Variants in RNF213 observed in about 807,000 individuals in gnomAD.
RNF213 encodes the protein E3 ubiquitin-protein ligase RNF213.
Under a neutral mutation model 514.4 loss-of-function variants are expected in RNF213, and 341 were observed. That is an observed-to-expected ratio of 0.66 (90% CI 0.61 to 0.73). RNF213 has a LOEUF of 0.73. Among genes scored for constraint, RNF213 ranks in the 30% least tolerant of loss-of-function variants. The pLI is 0.00. For synonymous variants in RNF213, 2,655 were observed against 2,658.2 expected, an observed-to-expected ratio of 1.00 and a Z score of 0.04; for missense variants, 5,767 against 6,615.6, an observed-to-expected ratio of 0.87 and a Z score of 4.45.
chr17:80,276,592 G>A (rs1036997577), intron 3 of RNF213, among the ~76,000 whole-genome samples: 1 of 150,054 alleles, frequency 6.7e-6, no homozygotes, highest in East Asian at 2.0e-4. Context: ...CTGGGTGACT[G>A]TGAGATCCTT....
At chr17:80,384,164 T>A (rs890401990) in intron 59 of RNF213, among the ~76,000 whole-genome samples, 1 of 152,310 alleles carries the variant, frequency 6.6e-6, no homozygotes, top group East Asian at 1.9e-4. Flanking sequence ...GGATTAGCAG[T>A]GACCTGTGGG....
At chr17:80,277,239 G>A (rs929031357) in intron 3 of RNF213, among the ~76,000 whole-genome samples, 2 of 152,062 alleles carry the variant, frequency 1.3e-5, no homozygotes, top group African/African-American at 4.8e-5. Context: ...ACAGATTAGT[G>A]GTTGGCTGGG....
chr17:80,398,703 G>C lies in RNF213; in HGVS notation c.*5205G>C, dbSNP rs1398559238. Reference sequence around the variant, plus strand: ...AGAGAAAGAGGAAGAGACAGACAAAGAGGGAGTCAGAGAGAGAGAGAGAAA... The same window carrying C: ...AGAGAAAGAGGAAGAGACAGACAAACAGGGAGTCAGAGAGAGAGAGAGAAA... On this transcript the variant is annotated 3_prime_UTR_variant, in exon 68 of 68. Coordinates refer to ENST00000582970, the MANE Select transcript of RNF213 (RefSeq NM_001256071.3). 2 of 139,714 alleles carry C rather than the reference G, an allele frequency of 1.4e-5. No individual in the cohort carries two copies. The highest frequency in any genetic ancestry group is 2.2e-4 in the South Asian group (1 of 4,474). 8.7% of individuals were successfully genotyped at this position (139,714 alleles called of 1,614,324 possible).
chr17:80,376,779 G>C, intron 52 of RNF213, 103 bp from the exon 53 acceptor site: 2 of 1,175,616 alleles, frequency 1.7e-6, no homozygotes, highest in Non-Finnish European at 2.5e-6. Flanking sequence ...TCCAGCAGAA[G>C]GAAAGCAGAG....
intron 44 of RNF213, among the ~76,000 whole-genome samples, chr17:80,368,433 G>GT (rs5822349): frequency 0.59 from 80,454 of 137,024 alleles, 23,665 homozygotes; most frequent in Middle Eastern, 0.64. Flanking sequence ...AGACGCCAGT[G>GT]TTTTTTTTTT....
At chr17:80,342,516 C>G (rs1429507336) in intron 26 of RNF213, among the ~76,000 whole-genome samples, 1 of 150,372 alleles carries the variant, frequency 6.7e-6, no homozygotes, top group Admixed American at 6.7e-5. Context: ...ACTCTTTGTC[C>G]TAGCCCTGGG....
rs146853953 is a variant in RNF213 at position 80,388,419 on chromosome 17, C to T, written c.14923-193C>T. 59 of 613,932 alleles carry T rather than the reference C, an allele frequency of 9.6e-5. No individual in the cohort carries two copies. In the East Asian group the frequency reaches 1.3e-3, roughly 14 times the overall value. The allele number at this position is 613,932 out of a possible 1,614,324, so 38.0% of individuals were successfully genotyped here. On this transcript the variant is annotated intron_variant, in intron 63 of 67. Coordinates refer to ENST00000582970, the MANE Select transcript of RNF213 (RefSeq NM_001256071.3). Reference sequence around the variant, plus strand: ...GTCATGTAATTGGCTGTGAGGACTCCGCTGGATTCCCGGTTGTGTTACTAT... The same window carrying T: ...GTCATGTAATTGGCTGTGAGGACTCTGCTGGATTCCCGGTTGTGTTACTAT...
Position 80,364,539 on chromosome 17 carries a change from T to G in RNF213, c.11857T>G (p.Phe3953Val). ...ELQGLVTEHVFLLDKCLRENS... is the reference protein window; with the variant it reads ...ELQGLVTEHVVLLDKCLRENS... ...ACAGGGGCTGGTGACCGAGCACGTC[T>G]TCTTACTAGACAAGGTGAGTACTTG... Residue 3953 changes from phenylalanine (F) to valine (V), a missense_variant, in exon 42 of 68, where the codon TTC becomes GTC. Physicochemically the swap from Phe to Val is conservative, Grantham distance 50 (BLOSUM62 -1). Coordinates refer to ENST00000582970, the MANE Select transcript of RNF213 (RefSeq NM_001256071.3). 6.2e-7 allele frequency: 1 copy of G among 1,614,176 alleles called. No homozygotes were observed. The highest frequency in any genetic ancestry group is 8.5e-7 in the Non-Finnish European group (1 of 1,180,032).
At chr17:80,315,794 TG>T (rs2045913763) in intron 15 of RNF213, 2 of 39,630 alleles carry the variant, frequency 5.0e-5, no homozygotes, top group South Asian at 1.0e-3. Flanking sequence ...GTGGTGGTGG[TG>T]GTGGTGGAGG....
intron 3 of RNF213, among the ~76,000 whole-genome samples, chr17:80,284,241 G>C (rs181605402): frequency 6.6e-6 from 1 of 152,158 alleles, no homozygotes; most frequent in Non-Finnish European, 1.5e-5. Context: ...GCAGGTGCCT[G>C]TAATCCCAGC....
At position 80,389,904 on chromosome 17, in the gene RNF213, T is replaced by C. The variant is rs1197193102; in HGVS notation, c.15272T>C (p.Leu5091Pro). Reference sequence around the variant, plus strand: ...TCTGCTCATAAGTCTGAACAGCTGCTGCGGCTGCACAAAGTAAGTCTGGTC... The same window carrying C: ...TCTGCTCATAAGTCTGAACAGCTGCCGCGGCTGCACAAAGTAAGTCTGGTC... The part of the protein sequence containing the change: ...FLSAHKSEQL[L>P]RLHKEPFGEI... Residue 5091 changes from leucine to proline, a missense_variant, in exon 66 of 68, where the codon CTG (leucine) becomes CCG (proline). Physicochemically the swap from Leu to Pro is moderately conservative, Grantham distance 98. This residue lies in a region of RNF213 where 1,245 missense variants were observed against 1,339.0 expected (regional missense o/e 0.93). Coordinates refer to ENST00000582970, the MANE Select transcript of RNF213 (RefSeq NM_001256071.3). 1 of 1,614,094 alleles carries C rather than the reference T, an allele frequency of 6.2e-7. No individual in the cohort carries two copies. Among genetic ancestry groups the C allele is most frequent in the African/African-American group, 1.3e-5 (1 of 74,938 alleles).
Position 80,291,698 on chromosome 17 carries a change from A to G in RNF213, c.1342A>G (p.Ile448Val). The change falls in exon 8 of 68, where the codon ATT becomes GTT. Residue 448 changes from isoleucine to valine, a missense_variant. By Grantham distance (29) the Ile-to-Val change is conservative. Coordinates refer to ENST00000582970, the MANE Select transcript of RNF213 (RefSeq NM_001256071.3). ...TTCCAAGAAGCACCTAGATAAATAC[A>G]TTCCTTACAAGTACGTCATTTATAA... Reference protein sequence around the residue: ...CISKKHLDKYIPYKYVIYNGE... With the variant: ...CISKKHLDKYVPYKYVIYNGE... 1 of 1,614,228 alleles carries G rather than the reference A, an allele frequency of 6.2e-7. No individual in the cohort carries two copies. Among genetic ancestry groups the G allele is most frequent in the Non-Finnish European group, 8.5e-7 (1 of 1,180,048 alleles).
At chr17:80,337,124 G>A (rs1205805749) in intron 23 of RNF213, among the ~76,000 whole-genome samples, 1 of 152,158 alleles carries the variant, frequency 6.6e-6, no homozygotes. Context: ...ACCCTCTGTT[G>A]TGATTTTTCC....
chr17:80,298,986 C>G (rs2045072602), intron 11 of RNF213, among the ~76,000 whole-genome samples: 1 of 152,024 alleles, frequency 6.6e-6, no homozygotes, highest in African/African-American at 2.4e-5. Context: ...CTAAAACAAA[C>G]AAACAAAAAA....
chr17:80,298,364 A>G lies in RNF213; in HGVS notation c.2056A>G (p.Thr686Ala). ...GAACCTGTGCCAAAGATGCATGGAC[A>G]CAAGGACGTACACCTGGCTGGGCGC... is the stretch of plus-strand genomic sequence containing the variant. ...LVNLCQRCMD[T>A]RTYTWLGALP... is the part of the protein sequence containing the mutation. The change falls in exon 11 of 68, where the codon ACA becomes GCA. Residue 686 changes from threonine to alanine, a missense_variant. By Grantham distance (58) the Thr-to-Ala change is moderately conservative. Transcript: ENST00000582970. The G allele has an allele frequency of 6.2e-7, 1 of 1,614,126 alleles. No homozygotes were observed.
rs2078593368 is a variant in RNF213, at chr17:80,353,156, C to G, written c.10423+97C>G. 7.8e-6 allele frequency: 12 copies of G among 1,532,182 alleles called. No homozygotes were observed. The South Asian group carries it at 1.2e-4, about 16-fold the overall frequency. 94.9% of individuals were successfully genotyped at this position (1,532,182 alleles called of 1,614,324 possible). ...GCACATGGCACTAGGAGCAGGGCCA[C>G]CGTGTTTCGTCCCTCGGCAGGAGCT... On this transcript the variant is annotated intron_variant, in intron 33 of 67. Coordinates refer to ENST00000582970, the MANE Select transcript of RNF213 (RefSeq NM_001256071.3). This position sits in a 1 kb window ranked among gnomAD's most constrained non-coding sequence, Gnocchi z 5.0.
chr17:80,364,607 G>C, intron 42 of RNF213, 54 bp downstream of exon 42: 1 of 1,611,610 alleles, frequency 6.2e-7, no homozygotes, highest in Non-Finnish European at 8.5e-7. Flanking sequence ...TTTCCGAAAG[G>C]AAGAACAGCA....
intron 57 of RNF213, chr17:80,382,714 T>C: frequency 2.7e-6 from 1 of 366,290 alleles, no homozygotes; most frequent in Non-Finnish European, 5.2e-6. Context: ...GCTCAAGTTC[T>C]GTTCTTTCAG....
chr17:80,375,723 G>C (rs750356808), intron 50 of RNF213, 37 bp from the exon 51 acceptor site: 1 of 1,415,202 alleles, frequency 7.1e-7, no homozygotes, highest in South Asian at 1.1e-5. Flanking sequence ...GATGTGTTGA[G>C]CTTTTAAATT....
Sources: gnomAD v4.1 joint callset for allele counts (sites outside exome capture counted in the v4.1 genomes callset) on GRCh38, gnomAD v4.1.1 for gene constraint, gnomAD v4.1.1 regional missense constraint, Gnocchi (gnomAD v3.1) non-coding constraint, MANE v1.5 for transcripts, NCBI Gene and HGNC (gene_info 2026-07-23, HGNC 2026-07-21) for gene names.